The following LRRC8D variants were observed in gnomAD, a reference collection of about 807,000 sequenced individuals.
LRRC8D encodes leucine rich repeat containing 8 VRAC subunit D, also known as volume-regulated anion channel subunit LRRC8D.
In LRRC8D, 20 loss-of-function variants were observed where a neutral mutation model predicts 55.8. That is an observed-to-expected ratio of 0.36 (90% CI 0.25 to 0.52). The LOEUF is 0.52. Among genes scored for constraint, LRRC8D ranks in the 20% least tolerant of loss-of-function variants. LRRC8D has a pLI of 0.93. For missense variants in LRRC8D, 651 were observed against 1,030.8 expected (o/e 0.63, Z 5.05); for synonymous variants, 352 against 377.0 (o/e 0.93, Z 0.77).
At chr1:89,909,126 A>G (rs1289512924) in intron 2 of LRRC8D, among the ~76,000 whole-genome samples, 1 of 152,130 alleles carries the variant, frequency 6.6e-6, no homozygotes, top group Non-Finnish European at 1.5e-5. Context: ...ATAACAACAG[A>G]ATGAAAACCA....
chr1:89,843,813 C>G (rs893825531), intron 2 of LRRC8D, 31 bp downstream of exon 2: 1 of 635,582 alleles, frequency 1.6e-6, no homozygotes, highest in East Asian at 2.9e-5. Flanking sequence ...GTCCAGGGAG[C>G]GGGTCGGGAA....
rs1005292007 is a variant in LRRC8D, at chr1:89,933,821, A to G, written c.753A>G (p.Thr251=). 18 of 1,614,054 alleles carry G rather than the reference A, an allele frequency of 1.1e-5. No individual in the cohort carries two copies. The highest frequency in any genetic ancestry group is 3.3e-5 in the Admixed American group (2 of 60,002). The part of the protein sequence containing the change: ...SSDEGSPSAS[T]PMINKTGFKF... ...ATGAAGGGAGCCCCAGTGCCAGTAC[A>G]CCAATGATCAATAAAACTGGCTTTA... The change falls in exon 3 of 3, where the codon ACA becomes ACG. Residue 251 remains threonine, a synonymous_variant. Coordinates refer to ENST00000337338, the MANE Select transcript of LRRC8D (RefSeq NM_001134479.2). This position sits in a 1 kb window ranked among gnomAD's most constrained non-coding sequence, Gnocchi z 7.0.
At chr1:89,930,105 T>G (rs144615213) in intron 2 of LRRC8D, among the ~76,000 whole-genome samples, 218 of 152,294 alleles carry the variant, frequency 1.4e-3, no homozygotes, top group African/African-American at 5.0e-3. Flanking sequence ...AAAAATTGTC[T>G]TCTACAAAAC....
At chr1:89,857,621 C>G (rs1033783938) in intron 2 of LRRC8D, among the ~76,000 whole-genome samples, 1 of 152,084 alleles carries the variant, frequency 6.6e-6, no homozygotes, top group African/African-American at 2.4e-5. Context: ...TTGAGATAAG[C>G]ACATTATCCC....
chr1:89,934,465 G>A lies in LRRC8D; in HGVS notation c.1397G>A (p.Arg466His), dbSNP rs552314767. ...GAAAAACTCAGGCAGCACATTTCACGCAACGCCCAGGACAAGCAGGAGTTG... is the reference window on the plus strand; with the variant it reads ...GAAAAACTCAGGCAGCACATTTCACACAACGCCCAGGACAAGCAGGAGTTG... ...TFEKLRQHISRNAQDKQELHL... is the reference protein window; with the variant it reads ...TFEKLRQHISHNAQDKQELHL... The change falls in exon 3 of 3, where the codon CGC becomes CAC. Residue 466 changes from arginine (R) to histidine (H), a missense_variant. By Grantham distance (29) the Arg-to-His change is conservative. Around this residue, in one of 5 missense-constraint regions of LRRC8D, gnomAD observed 338 missense variants for 479.4 expected, o/e 0.71. Transcript: ENST00000337338. This position sits in a 1 kb window ranked among gnomAD's most constrained non-coding sequence, Gnocchi z 5.9. 18 of 1,613,952 alleles carry A rather than the reference G, an allele frequency of 1.1e-5. No individual in the cohort carries two copies. The highest frequency in any genetic ancestry group is 1.4e-5 in the Non-Finnish European group (16 of 1,180,018).
intron 1 of LRRC8D, chr1:89,843,402 G>C (rs1269659221): frequency 9.1e-6 from 3 of 328,658 alleles, no homozygotes; most frequent in Non-Finnish European, 1.6e-5. Flanking sequence ...CGGGCGGGTG[G>C]CTGGCAGCGA....
chr1:89,871,466 A>G (rs12081674), intron 2 of LRRC8D, among the ~76,000 whole-genome samples: 25,128 of 152,198 alleles, frequency 0.17, 2,158 homozygotes, highest in African/African-American at 0.19. Context: ...TCTCCTAAAA[A>G]TATACATTCA....
At chr1:89,910,655 C>G (rs1663113073) in intron 2 of LRRC8D, among the ~76,000 whole-genome samples, 1 of 152,030 alleles carries the variant, frequency 6.6e-6, no homozygotes, top group South Asian at 2.1e-4. Context: ...GGGTTTGAAT[C>G]CTGGTCCACC....
intron 2 of LRRC8D, among the ~76,000 whole-genome samples, chr1:89,851,304 A>T (rs1043958959): frequency 2.0e-5 from 3 of 152,042 alleles, no homozygotes; most frequent in Admixed American, 1.3e-4. Flanking sequence ...TCTCTTAATT[A>T]CAGATGTCTC....
chr1:89,930,539 A>G (rs978220946), intron 2 of LRRC8D, among the ~76,000 whole-genome samples: 6 of 152,100 alleles, frequency 3.9e-5, no homozygotes, highest in African/African-American at 1.2e-4. Flanking sequence ...CCAAAACACC[A>G]TTATGCAGTT....
In LRRC8D at chr1:89,933,120, C is replaced by T. The variant is rs1557490131; in HGVS notation, c.52C>T (p.Arg18Ter). 2 of 1,613,266 alleles carry T rather than the reference C, an allele frequency of 1.2e-6. No individual in the cohort carries two copies. The highest frequency in any genetic ancestry group is 1.7e-6 in the Non-Finnish European group (2 of 1,179,322). The part of the protein sequence containing the change: ...ASLNDIQPTY[R>*]ILKPWWDVFM... ...ACTTAATGACATTCAGCCAACTTAC[C>T]GAATCCTGAAACCATGGTGGGATGT... is the stretch of plus-strand genomic sequence containing the variant. The change falls in exon 3 of 3, where the codon CGA (arginine) becomes TGA (stop). Residue 18 changes from arginine (R) to a stop codon, truncating the protein, a stop_gained. Transcript: ENST00000337338. LOFTEE classifies it high-confidence loss of function. This position sits in a 1 kb window ranked among gnomAD's most constrained non-coding sequence, Gnocchi z 7.0.
chr1:89,893,599 C>T (rs541033828), intron 2 of LRRC8D, among the ~76,000 whole-genome samples: 1 of 151,886 alleles, frequency 6.6e-6, no homozygotes, highest in South Asian at 2.1e-4. Flanking sequence ...ACATTTTTTC[C>T]CTGAAGTAGA....
intron 2 of LRRC8D, among the ~76,000 whole-genome samples, chr1:89,851,796 C>T (rs1161076085): frequency 2.6e-5 from 4 of 152,110 alleles, no homozygotes; most frequent in Non-Finnish European, 5.9e-5. Flanking sequence ...AGGCATGAGC[C>T]ACCGCGACCG....
intron 2 of LRRC8D, among the ~76,000 whole-genome samples, chr1:89,925,356 A>C (rs565242239): frequency 1.1e-3 from 161 of 152,304 alleles, no homozygotes; most frequent in Middle Eastern, 3.4e-3. Flanking sequence ...TAATTATTTC[A>C]TTATATATTA....
At chr1:89,835,815 A>G (rs1183760469) in intron 1 of LRRC8D, among the ~76,000 whole-genome samples, 1 of 152,230 alleles carries the variant, frequency 6.6e-6, no homozygotes, top group Non-Finnish European at 1.5e-5. Context: ...TGTTGCTGTT[A>G]TTATTGTCAT....
chr1:89,821,554 G>T (rs1345307445), intron 1 of LRRC8D, among the ~76,000 whole-genome samples: 1 of 152,164 alleles, frequency 6.6e-6, no homozygotes. Context: ...GCCCCGGGCG[G>T]CCGGCCCTGC....
At chr1:89,848,053 TC>T (rs1201437577) in intron 2 of LRRC8D, among the ~76,000 whole-genome samples, 1 of 152,302 alleles carries the variant, frequency 6.6e-6, no homozygotes, top group African/African-American at 2.4e-5. Context: ...TTATAAAGAT[TC>T]CCAGGTGGAA....
At chr1:89,897,704 A>G (rs1275106920) in intron 2 of LRRC8D, among the ~76,000 whole-genome samples, 2 of 152,198 alleles carry the variant, frequency 1.3e-5, no homozygotes, top group African/African-American at 2.4e-5. Context: ...TTTTTAAAAA[A>G]GGTTATTTTT....
At chr1:89,900,856 C>T (rs542948677) in intron 2 of LRRC8D, among the ~76,000 whole-genome samples, 2 of 152,292 alleles carry the variant, frequency 1.3e-5, no homozygotes, top group East Asian at 3.9e-4. Flanking sequence ...CACAACTGTA[C>T]CATCTTAGGA....
Sources: allele counts gnomAD v4.1 joint callset (sites outside exome capture counted in the v4.1 genomes callset), GRCh38; gene constraint gnomAD v4.1.1; regional missense constraint gnomAD v4.1.1; non-coding constraint Gnocchi (gnomAD v3.1); transcripts MANE v1.5; gene names NCBI Gene and HGNC (gene_info 2026-07-23, HGNC 2026-07-21).